Variants in SETBP1 observed in about 807,000 individuals in gnomAD.
SETBP1 encodes SET-binding protein.
In SETBP1, 9 loss-of-function variants were observed where a neutral mutation model predicts 101.0. The ratio of observed to expected loss-of-function variants is 0.09; its 90% confidence interval spans 0.05 to 0.16. The LOEUF (loss-of-function observed/expected upper bound fraction) is 0.16, where lower values mean the gene tolerates loss of function less well. Among genes scored for constraint, SETBP1 ranks in the 10% least tolerant of loss-of-function variants. The pLI, the probability that SETBP1 is intolerant of heterozygous loss-of-function variation, is 1.00. For synonymous variants in SETBP1, 818 were observed against 788.5 expected (o/e 1.04, Z -0.63); for missense variants, 1,858 against 2,033.8 (o/e 0.91, Z 1.66).
intron 2 of SETBP1, among the ~76,000 whole-genome samples, chr18:44,859,831 C>A (rs2068963613): frequency 6.6e-6 from 1 of 152,196 alleles, no homozygotes; most frequent in African/African-American, 2.4e-5. Flanking sequence ...TGAATACCTG[C>A]AACTACAAGG....
intron 2 of SETBP1, among the ~76,000 whole-genome samples, chr18:44,803,986 T>C (rs1403371782): frequency 6.6e-6 from 1 of 152,120 alleles, no homozygotes; most frequent in Non-Finnish European, 1.5e-5. Flanking sequence ...TCCTTTTTCA[T>C]CCCTCACTCT....
chr18:44,930,774 G>A (rs1333709788), intron 3 of SETBP1, among the ~76,000 whole-genome samples: 1 of 152,020 alleles, frequency 6.6e-6, no homozygotes, highest in African/African-American at 2.4e-5. Context: ...TGTGGGATTG[G>A]TGGTGATATC....
Position 44,987,873 on chromosome 18 carries a change from G to A in SETBP1, c.4000+34533G>A, listed in dbSNP as rs561924799. 5 of 152,144 alleles carry A rather than the reference G, an allele frequency of 3.3e-5. 1 individual carries two copies. The East Asian group carries it at 7.7e-4, about 23-fold the overall frequency. 9.4% of individuals were successfully genotyped at this position (152,144 alleles called of 1,614,324 possible). ...TTATATGTAAATAGATCAATCTACA[G>A]TTAGATAGACAGACATATATAGATA... On this transcript the variant is annotated intron_variant, in intron 4 of 5. Coordinates refer to ENST00000649279, the MANE Select transcript of SETBP1 (RefSeq NM_015559.3).
intron 4 of SETBP1, among the ~76,000 whole-genome samples, chr18:44,960,225 CT>C: frequency 6.6e-6 from 1 of 152,066 alleles, no homozygotes; most frequent in Non-Finnish European, 1.5e-5. Context: ...GGGTTTGGAT[CT>C]GTAGTTGGGG....
At chr18:45,040,141 ACT>A (rs1411989182) in intron 5 of SETBP1, among the ~76,000 whole-genome samples, 1 of 151,718 alleles carries the variant, frequency 6.6e-6, no homozygotes, top group Non-Finnish European at 1.5e-5. Flanking sequence ...CCATTTGAAA[ACT>A]CTTGCTCTGA....
At chr18:44,815,217 C>T (rs1045159242) in intron 2 of SETBP1, among the ~76,000 whole-genome samples, 2 of 152,178 alleles carry the variant, frequency 1.3e-5, no homozygotes, top group Non-Finnish European at 2.9e-5. Flanking sequence ...TTGTTCCCAC[C>T]GTTAGGAACT....
intron 5 of SETBP1, among the ~76,000 whole-genome samples, chr18:45,057,176 C>A (rs931027277): frequency 3.9e-5 from 6 of 152,068 alleles, no homozygotes; most frequent in African/African-American, 4.8e-5. Context: ...CTTGCAGAGG[C>A]CTCACTAGCA....
chr18:44,930,177 G>A (rs2070796394), intron 3 of SETBP1, among the ~76,000 whole-genome samples: 3 of 152,156 alleles, frequency 2.0e-5, no homozygotes, highest in African/African-American at 7.2e-5. Flanking sequence ...GGCCTTTTCT[G>A]CATCTATTGA....
chr18:44,702,514 C>T (rs548310278), intron 2 of SETBP1, among the ~76,000 whole-genome samples: 4 of 152,270 alleles, frequency 2.6e-5, no homozygotes, highest in African/African-American at 9.6e-5. Flanking sequence ...TGGAAAGTTC[C>T]TGTTTATTGT....
chr18:45,001,449 G>T (rs1426985564), intron 4 of SETBP1, among the ~76,000 whole-genome samples: 1 of 152,160 alleles, frequency 6.6e-6, no homozygotes. Flanking sequence ...AGCCAATACT[G>T]ACTCCCAGTA....
chr18:45,034,798 T>C (rs2073363362), intron 4 of SETBP1, among the ~76,000 whole-genome samples: 1 of 152,188 alleles, frequency 6.6e-6, no homozygotes, highest in Non-Finnish European at 1.5e-5. Flanking sequence ...GTCTACTTTC[T>C]GAGTTTGAGA....
intron 2 of SETBP1, among the ~76,000 whole-genome samples, chr18:44,774,671 T>G (rs1323344651): frequency 2.0e-5 from 3 of 152,098 alleles, no homozygotes; most frequent in Non-Finnish European, 4.4e-5. Flanking sequence ...TTGTGAGTAA[T>G]CTAATCTAAC....
chr18:44,684,865 T>C (rs2068811710), intron 1 of SETBP1, among the ~76,000 whole-genome samples: 1 of 152,150 alleles, frequency 6.6e-6, no homozygotes, highest in African/African-American at 2.4e-5. Flanking sequence ...CAGGCTGCTC[T>C]TGAACTCCGG....
chr18:44,806,623 CTTTTTTTTTTTTTTTTTTTTTTTTT>C lies in SETBP1; in HGVS notation c.487-62590_487-62566del, dbSNP rs71177656. Among the ~76,000 whole-genome samples, 11 of 27,832 alleles carry C rather than the reference CTTTTTTTTTTTTTTTTTTTTTTTTT, an allele frequency of 4.0e-4. 1 individual carries two copies. The highest frequency in any genetic ancestry group is 2.9e-3 in the South Asian group (2 of 692). 18.3% of individuals were successfully genotyped at this position (27,832 alleles called of 152,430 possible). A position where few individuals can be genotyped will look rare whatever the true frequency, so the allele number is the denominator to read the frequency against. ...GTAGACTTTGGCTCATAATGAGCTCCTTTTTTTTTTTTTTTTTTTTTTTTTTTTTTTTTTTTTTTTTGGCAATGGT... is the reference window on the plus strand; with the variant it reads ...GTAGACTTTGGCTCATAATGAGCTCCTTTTTTTTTTTTTTTTGGCAATGGT... On this transcript the variant is annotated intron_variant, in intron 2 of 5. Coordinates refer to ENST00000649279, the MANE Select transcript of SETBP1 (RefSeq NM_015559.3).
chr18:44,686,312 C>G (rs1053003709), intron 1 of SETBP1, among the ~76,000 whole-genome samples: 1 of 152,230 alleles, frequency 6.6e-6, no homozygotes, highest in Non-Finnish European at 1.5e-5. Flanking sequence ...ATGCAATATG[C>G]CCCAGGCTGT....
intron 4 of SETBP1, among the ~76,000 whole-genome samples, chr18:44,964,050 G>C: frequency 6.6e-6 from 1 of 151,040 alleles, no homozygotes; most frequent in East Asian, 2.0e-4. Context: ...TGTTAGAGTG[G>C]ATACCTCATC....
At chr18:44,912,807 G>A (rs2070343978) in intron 3 of SETBP1, among the ~76,000 whole-genome samples, 1 of 152,176 alleles carries the variant, frequency 6.6e-6, no homozygotes. Flanking sequence ...TCAGTTAGCT[G>A]CTTCCTTTTC....
chr18:44,711,028 C>T (rs905355610), intron 2 of SETBP1, among the ~76,000 whole-genome samples: 5 of 152,124 alleles, frequency 3.3e-5, no homozygotes, highest in African/African-American at 4.8e-5. Flanking sequence ...CACGCCACGT[C>T]GTATGAAGTC....
chr18:44,875,093 A>G (rs1360588500), intron 3 of SETBP1, among the ~76,000 whole-genome samples: 1 of 152,142 alleles, frequency 6.6e-6, no homozygotes, highest in East Asian at 1.9e-4. Context: ...TTTATTTTGT[A>G]AAAGGGAATC....
Sources: gnomAD v4.1 joint callset for allele counts (sites outside exome capture counted in the v4.1 genomes callset) on GRCh38, gnomAD v4.1.1 for gene constraint, MANE v1.5 for transcripts, NCBI Gene and HGNC (gene_info 2026-07-23, HGNC 2026-07-21) for gene names.